PALS2: variants seen among roughly 807,000 people sequenced by gnomAD.
The protein encoded by PALS2 is protein PALS2.
In PALS2, 27 loss-of-function variants were observed where a neutral mutation model predicts 61.6. That is an observed-to-expected ratio of 0.44 (90% confidence interval 0.32 to 0.60). The LOEUF (loss-of-function observed/expected upper bound fraction) is 0.60, where lower values mean the gene tolerates loss of function less well. Ranked by LOEUF, PALS2 falls within the 20% of genes least tolerant of loss-of-function variation. The probability of loss-of-function intolerance (pLI) is 0.05; values close to 1 mark genes in which losing one functional copy is unlikely to be tolerated. For missense variants in PALS2, 554 were observed against 639.4 expected (o/e 0.87, Z 1.44); for synonymous variants, 236 against 218.6 (o/e 1.08, Z -0.70).
At chr7:24,622,663 TTTTC>T (rs934589643) in intron 1 of PALS2, among the ~76,000 whole-genome samples, 5 of 150,446 alleles carry the variant, frequency 3.3e-5, no homozygotes, top group Non-Finnish European at 5.9e-5. Context: ...TCTGGATGCC[TTTTC>T]TTTATTTTCT....
intron 11 of PALS2, among the ~76,000 whole-genome samples, chr7:24,686,740 G>A (rs1020685782): frequency 6.6e-6 from 1 of 152,010 alleles, no homozygotes; most frequent in Non-Finnish European, 1.5e-5. Flanking sequence ...ACCTTAATAG[G>A]AACTCAATAA....
chr7:24,629,524 A>G (rs944086066), intron 2 of PALS2, among the ~76,000 whole-genome samples: 2 of 152,194 alleles, frequency 1.3e-5, no homozygotes, highest in African/African-American at 2.4e-5. Flanking sequence ...AACAAAAGAA[A>G]CTATCATCGG....
At chr7:24,610,135 G>A (rs182526424) in intron 1 of PALS2, among the ~76,000 whole-genome samples, 3 of 152,178 alleles carry the variant, frequency 2.0e-5, no homozygotes, top group Admixed American at 2.0e-4. Context: ...AGGAAGTATT[G>A]TTCTAGGAGT....
intron 1 of PALS2, chr7:24,619,930 G>A (rs1227463029): frequency 3.9e-5 from 6 of 151,948 alleles, no homozygotes; most frequent in Non-Finnish European, 7.4e-5. Flanking sequence ...TCTTAACTTT[G>A]TAAGGCTCCC....
Position 24,653,393 on chromosome 7 carries a change from CAAA to C in PALS2, c.651+2691_651+2693del, listed in dbSNP as rs34023639. Among the ~76,000 whole-genome samples, 9 of 148,864 alleles carry C rather than the reference CAAA, an allele frequency of 6.0e-5. No individual in the cohort carries two copies. The South Asian group carries it at 6.3e-4, about 10-fold the overall frequency. ...GAAGGGAAAAGCCTTAATTTTATTACAAAAAAAAAAAATAGAACAAACATTATT... is the reference window on the plus strand; with the variant it reads ...GAAGGGAAAAGCCTTAATTTTATTACAAAAAAAAATAGAACAAACATTATT... On this transcript the variant is annotated intron_variant, in intron 5 of 11. Transcript: ENST00000222644.
At chr7:24,619,535 G>A (rs1394172369) in intron 1 of PALS2, among the ~76,000 whole-genome samples, 1 of 151,966 alleles carries the variant, frequency 6.6e-6, no homozygotes, top group Non-Finnish European at 1.5e-5. Context: ...GGCTAACACG[G>A]TGAAACCCCG....
At position 24,687,880 on chromosome 7, in the gene PALS2, T is replaced by A. The variant is rs1183401517; in HGVS notation, c.*266T>A. The A allele has an allele frequency of 3.7e-6, 1 of 269,962 alleles. No homozygotes were observed. The highest frequency in any genetic ancestry group is 6.8e-6 in the Non-Finnish European group (1 of 146,834). 16.7% of individuals were successfully genotyped at this position (269,962 alleles called of 1,614,324 possible). On this transcript the variant is annotated 3_prime_UTR_variant, in exon 12 of 12. Transcript: ENST00000222644. The surrounding 1 kb of genome is among the most constrained non-coding windows in gnomAD (Gnocchi z 4.5). ...TCACATAAAGAAATGCGTTGAAGCA[T>A]TTTGTATATGTTTTGATTTAGTACC...
In PALS2 at chr7:24,687,113, C is replaced by A. The variant is rs1003205701; in HGVS notation, c.1447-325C>A. 2.0e-4 allele frequency among the ~76,000 whole-genome samples: 30 copies of A among 152,176 alleles called. No homozygotes were observed. The highest frequency in any genetic ancestry group is 3.8e-4 in the Non-Finnish European group (26 of 68,022). The stretch of plus-strand genomic sequence containing the variant: ...AAGGATGATATAGTGGAGCTGGAAA[C>A]CAGTCACCTGCAGTAATTGTTTTGT... On this transcript the variant is annotated intron_variant, in intron 11 of 11. Transcript: ENST00000222644. This position sits in a 1 kb window ranked among gnomAD's most constrained non-coding sequence, Gnocchi z 4.5.
chr7:24,622,683 C>CTTTTTT (rs70942815), intron 1 of PALS2, among the ~76,000 whole-genome samples: 2 of 135,702 alleles, frequency 1.5e-5, no homozygotes, highest in African/African-American at 2.7e-5. Context: ...TTTCTTTTTT[C>CTTTTTT]TTTTTTTTTT....
chr7:24,660,639 A>G (rs941757285), intron 5 of PALS2, among the ~76,000 whole-genome samples: 3 of 152,296 alleles, frequency 2.0e-5, no homozygotes, highest in South Asian at 2.1e-4. Context: ...TTGTTAAACA[A>G]TTAGGTTGCT....
chr7:24,580,196 G>T (rs1400955083), intron 1 of PALS2, among the ~76,000 whole-genome samples: 1 of 152,088 alleles, frequency 6.6e-6, no homozygotes, highest in Non-Finnish European at 1.5e-5. Flanking sequence ...TTTATATTTT[G>T]TTCTGTAGGT....
intron 8 of PALS2, chr7:24,666,951 A>G (rs975347190): frequency 1.3e-5 from 2 of 152,186 alleles, no homozygotes; most frequent in African/African-American, 2.4e-5. Context: ...TTTTAAAAGT[A>G]CTTTCTTGAC....
chr7:24,609,648 A>AT (rs1416867361), intron 1 of PALS2, among the ~76,000 whole-genome samples: 1 of 151,356 alleles, frequency 6.6e-6, no homozygotes. Flanking sequence ...CCCTTCCTCC[A>AT]TCCCTCCTCC....
At chr7:24,632,461 G>T (rs1336804676) in intron 2 of PALS2, among the ~76,000 whole-genome samples, 1 of 152,024 alleles carries the variant, frequency 6.6e-6, no homozygotes, top group African/African-American at 2.4e-5. Flanking sequence ...GTGCAGTGGT[G>T]CCATCTTGGC....
At chr7:24,669,861 T>C (rs889271199) in intron 9 of PALS2, among the ~76,000 whole-genome samples, 6 of 152,202 alleles carry the variant, frequency 3.9e-5, no homozygotes, top group Non-Finnish European at 7.3e-5. Context: ...GAACAAAAAC[T>C]TCACTGTAAT....
chr7:24,637,451 G>C (rs1438136421), intron 2 of PALS2, among the ~76,000 whole-genome samples: 1 of 151,880 alleles, frequency 6.6e-6, no homozygotes, highest in African/African-American at 2.4e-5. Flanking sequence ...AGCCTGTGTT[G>C]ATCTTGAGTT....
chr7:24,635,271 TGTTA>T lies in PALS2; in HGVS notation c.118-6440_118-6437del, dbSNP rs769066499. Among the ~76,000 whole-genome samples, 12 of 152,338 alleles carry T rather than the reference TGTTA, an allele frequency of 7.9e-5. No homozygotes were observed. In the South Asian group the frequency reaches 1.0e-3, roughly 13 times the overall value. ...CAGAGTATAAATTTTGCACTTGTTTTGTTAGTTATACTCCTAGGTATTTTGTTCT... is the reference window on the plus strand; with the variant it reads ...CAGAGTATAAATTTTGCACTTGTTTTGTTATACTCCTAGGTATTTTGTTCT... On this transcript the variant is annotated intron_variant, in intron 2 of 11. Coordinates refer to ENST00000222644, the MANE Select transcript of PALS2 (RefSeq NM_001303037.2).
At chr7:24,623,466 T>C (rs1784608224) in intron 1 of PALS2, among the ~76,000 whole-genome samples, 200 bp from the exon 2 acceptor site, 1 of 152,130 alleles carries the variant, frequency 6.6e-6, no homozygotes, top group Non-Finnish European at 1.5e-5. Flanking sequence ...TAAAAATCTA[T>C]CCTGCTATTA....
chr7:24,582,603 G>A (rs1782886338), intron 1 of PALS2, among the ~76,000 whole-genome samples: 1 of 151,824 alleles, frequency 6.6e-6, no homozygotes, highest in Non-Finnish European at 1.5e-5. Flanking sequence ...TCTTTGAGTG[G>A]ATTTGTCTTC....
Sources: gnomAD v4.1 joint callset for allele counts (sites outside exome capture counted in the v4.1 genomes callset) on GRCh38, gnomAD v4.1.1 for gene constraint, Gnocchi (gnomAD v3.1) non-coding constraint, MANE v1.5 for transcripts, NCBI Gene and HGNC (gene_info 2026-07-23, HGNC 2026-07-21) for gene names.